Variants in STARD6 observed in about 807,000 individuals in gnomAD.
The protein encoded by STARD6 is StAR related lipid transfer domain containing 6.
In STARD6, 21 loss-of-function variants were observed where a neutral mutation model predicts 22.3. That is an observed-to-expected ratio of 0.94 (90% confidence interval 0.67 to 1.35). The LOEUF is 1.35. Among genes scored for constraint, STARD6 ranks in the 40% most tolerant of loss-of-function variants. The pLI is 0.00. For synonymous variants in STARD6, 80 were observed against 88.1 expected (o/e 0.91, Z 0.52); for missense variants, 269 against 266.9 (o/e 1.01, Z -0.05).
chr18:54,325,797 A>G (rs1454424071), intron 7 of STARD6, among the ~76,000 whole-genome samples: 1 of 151,938 alleles, frequency 6.6e-6, no homozygotes, highest in Non-Finnish European at 1.5e-5. Flanking sequence ...CGATCCTCCC[A>G]CTTCGGCCTC....
At chr18:54,356,728 G>C (rs1407871143) in intron 1 of STARD6, among the ~76,000 whole-genome samples, 1 of 152,144 alleles carries the variant, frequency 6.6e-6, no homozygotes, top group Non-Finnish European at 1.5e-5. Context: ...TTAAGCTTAC[G>C]TCACTAACAA....
chr18:54,338,814 C>A (rs961074810), intron 4 of STARD6, among the ~76,000 whole-genome samples: 3 of 151,784 alleles, frequency 2.0e-5, no homozygotes, highest in African/African-American at 7.3e-5. Flanking sequence ...CTTTGGGAGG[C>A]CGAGGCAGGC....
chr18:54,349,238 G>A (rs1468777378), intron 4 of STARD6, among the ~76,000 whole-genome samples: 1 of 152,088 alleles, frequency 6.6e-6, no homozygotes, highest in Non-Finnish European at 1.5e-5. Context: ...TTGGCCACGT[G>A]GCTAGGAAGG....
intron 7 of STARD6, among the ~76,000 whole-genome samples, chr18:54,327,814 A>G (rs2088836344): frequency 1.3e-5 from 2 of 152,008 alleles, no homozygotes; most frequent in Non-Finnish European, 1.5e-5. Context: ...GGTTTATACT[A>G]TTTTTACAGT....
At chr18:54,329,185 C>T (rs780391688) in intron 7 of STARD6, among the ~76,000 whole-genome samples, 162 bp downstream of exon 7, 1 of 151,962 alleles carries the variant, frequency 6.6e-6, no homozygotes, top group Non-Finnish European at 1.5e-5. Flanking sequence ...AAAATGAAAA[C>T]GATTATAAGA....
chr18:54,337,032 T>C (rs2088920715), intron 5 of STARD6, 93 bp downstream of exon 5: 2 of 1,134,590 alleles, frequency 1.8e-6, no homozygotes, highest in East Asian at 4.9e-5. Flanking sequence ...TATAAAATAC[T>C]GTGTCTACAT....
Position 54,331,820 on chromosome 18 carries a change from C to T in STARD6, c.307G>A (p.Val103Met), listed in dbSNP as rs756363417. ...AAGTCTCGAGGGGAAATGGAGCCCA[C>T]GGCAAAACTTTGTGTAATGGTATGA... is the stretch of plus-strand genomic sequence containing the variant. ...ICHTITQSFA[V>M]GSISPRDFID... The change falls in exon 6 of 8, where the codon GTG (valine) becomes ATG (methionine). Residue 103 changes from valine (V) to methionine (M), a missense_variant. By Grantham distance (21) the Val-to-Met change is conservative. Coordinates refer to ENST00000307844, the MANE Select transcript of STARD6 (RefSeq NM_139171.2). The T allele has an allele frequency of 6.3e-5, 101 of 1,612,828 alleles. 1 individual carries two copies. The highest frequency in any genetic ancestry group is 3.0e-4 in the South Asian group (27 of 90,912).
At chr18:54,329,914 G>A (rs1340826007) in intron 6 of STARD6, among the ~76,000 whole-genome samples, 1 of 151,482 alleles carries the variant, frequency 6.6e-6, no homozygotes, top group African/African-American at 2.4e-5. Flanking sequence ...TAGTTAGATG[G>A]TCTGTCAGTA....
At chr18:54,341,633 A>G (rs2088970173) in intron 4 of STARD6, among the ~76,000 whole-genome samples, 1 of 152,252 alleles carries the variant, frequency 6.6e-6, no homozygotes, top group Non-Finnish European at 1.5e-5. Context: ...ATTCCCAAAT[A>G]TGTAGAAATT....
At chr18:54,344,583 T>TAAAAAAAAAAAAAAAAAAAAAA (rs55736082) in intron 4 of STARD6, among the ~76,000 whole-genome samples, 5 of 94,052 alleles carry the variant, frequency 5.3e-5, no homozygotes, top group East Asian at 2.6e-4. Flanking sequence ...AAAAATAAAT[T>TAAAAAAAAAAAAAAAAAAAAAA]AAAAAAAAAA....
At chr18:54,345,361 G>A (rs2089024571) in intron 4 of STARD6, among the ~76,000 whole-genome samples, 1 of 151,948 alleles carries the variant, frequency 6.6e-6, no homozygotes, top group Non-Finnish European at 1.5e-5. Flanking sequence ...AAAAAAAATA[G>A]AACACGTTTA....
chr18:54,353,737 C>T (rs2089118401), intron 4 of STARD6, among the ~76,000 whole-genome samples: 1 of 152,132 alleles, frequency 6.6e-6, no homozygotes, highest in African/African-American at 2.4e-5. Context: ...GTTTAAAATT[C>T]CATAAAATAT....
At chr18:54,337,333 G>T (rs921960945) in intron 4 of STARD6, 82 bp from the exon 5 acceptor site, 1 of 1,340,258 alleles carries the variant, frequency 7.5e-7, no homozygotes, top group Non-Finnish European at 1.0e-6. Context: ...AAGCATAAAG[G>T]TAGGCTAATT....
intron 7 of STARD6, among the ~76,000 whole-genome samples, chr18:54,325,084 T>G (rs1347901528): frequency 6.6e-6 from 1 of 152,108 alleles, no homozygotes; most frequent in Non-Finnish European, 1.5e-5. Context: ...CTTTAAAAAA[T>G]TCTAACAGTA....
chr18:54,343,936 C>T lies in STARD6; in HGVS notation c.141-6685G>A, dbSNP rs1434245068. Among the ~76,000 whole-genome samples the T allele has an allele frequency of 1.1e-4, 5 of 45,510 alleles. 1 individual carries two copies. The highest frequency in any genetic ancestry group is 1.9e-4 in the Non-Finnish European group (5 of 26,974). The allele number at this position is 45,510 out of a possible 152,430, so 29.9% of individuals were successfully genotyped here. ...CCCCCGCCCGGCCAGCCGCCCCGTC[C>T]GCGAGGGAGGTGGGGGGGGTCAGCC... On this transcript the variant is annotated intron_variant, in intron 4 of 7. Transcript: ENST00000307844.
At chr18:54,327,234 C>T (rs1248150307) in intron 7 of STARD6, among the ~76,000 whole-genome samples, 2 of 152,044 alleles carry the variant, frequency 1.3e-5, no homozygotes, top group Admixed American at 1.3e-4. Context: ...TATTTGTATA[C>T]AAACATTTTT....
At chr18:54,335,269 A>G (rs1420352764) in intron 5 of STARD6, among the ~76,000 whole-genome samples, 1 of 151,898 alleles carries the variant, frequency 6.6e-6, no homozygotes, top group Non-Finnish European at 1.5e-5. Flanking sequence ...ATCCTGGCTC[A>G]CTGCAACCTC....
rs374182841 is a variant in STARD6, at chr18:54,329,329, A to C, written c.479+18T>G. 18 of 1,527,442 alleles carry C rather than the reference A, an allele frequency of 1.2e-5. No individual in the cohort carries two copies. The African/African-American group carries it at 1.4e-4, about 12-fold the overall frequency. The allele number at this position is 1,527,442 out of a possible 1,614,324, so 94.6% of individuals were successfully genotyped here. A position where few individuals can be genotyped will look rare whatever the true frequency, so the allele number is the denominator to read the frequency against. On this transcript the variant is annotated intron_variant, in intron 7 of 7. Transcript: ENST00000307844. ...CTAAAAAAACCTGTTAAAATAAATA[A>C]GTGCAAACAACACTTACTCTTCCAT... is the stretch of plus-strand genomic sequence containing the variant.
At chr18:54,332,190 C>G (rs2088871144) in intron 5 of STARD6, among the ~76,000 whole-genome samples, 1 of 152,164 alleles carries the variant, frequency 6.6e-6, no homozygotes, top group Non-Finnish European at 1.5e-5. Flanking sequence ...CCATACAGTA[C>G]TATTTCTACT....
Sources: gnomAD v4.1 joint callset for allele counts (sites outside exome capture counted in the v4.1 genomes callset) on GRCh38, gnomAD v4.1.1 for gene constraint, MANE v1.5 for transcripts, NCBI Gene and HGNC (gene_info 2026-07-23, HGNC 2026-07-21) for gene names.